Variants in NR4A1 observed in about 807,000 individuals in gnomAD.
NR4A1 encodes the protein nuclear receptor subfamily 4 group A member 1, also known as nuclear receptor subfamily 4immunitygroup A member 1.
A neutral mutation model predicts 47.5 loss-of-function variants in NR4A1; 24 were observed. That is an observed-to-expected ratio of 0.50 (90% CI 0.37 to 0.71). NR4A1 has a LOEUF of 0.71. Ranked by LOEUF, NR4A1 falls within the 30% of genes least tolerant of loss-of-function variation. The pLI, the probability that NR4A1 is intolerant of heterozygous loss-of-function variation, is 0.00. For synonymous variants in NR4A1, 353 were observed against 345.7 expected, an observed-to-expected ratio of 1.02 and a Z score of -0.24; for missense variants, 669 against 788.6, an observed-to-expected ratio of 0.85 and a Z score of 1.82.
intron 2 of NR4A1, chr12:52,045,371 A>G (rs922571721): frequency 1.3e-5 from 4 of 314,160 alleles, no homozygotes; most frequent in Non-Finnish European, 2.6e-5. Flanking sequence ...TTGAGTATGC[A>G]TGGATTTTGG....
upstream of NR4A1, chr12:52,051,299 C>T (rs898785113): frequency 2.3e-4 from 137 of 587,374 alleles, no homozygotes; most frequent in Middle Eastern, 2.5e-3. Flanking sequence ...GCCGCACCTC[C>T]CCCTGGCCGC....
At chr12:52,024,542 T>A (rs573277148) in intron 1 of NR4A1, among the ~76,000 whole-genome samples, 1 of 152,116 alleles carries the variant, frequency 6.6e-6, no homozygotes, top group South Asian at 2.1e-4. Flanking sequence ...AAAAAATTTT[T>A]AAAAATGATC....
At chr12:52,051,134 C>G (rs1938906633), upstream of NR4A1, among the ~76,000 whole-genome samples, 1 of 152,210 alleles carries the variant, frequency 6.6e-6, no homozygotes, top group South Asian at 2.1e-4. Flanking sequence ...CCTAGTGGGC[C>G]TGGGAGCTGC....
At chr12:52,043,486 C>CATGAGTGCTAGAGCTGCTGG in intron 2 of NR4A1, 2 of 268,288 alleles carry the variant, frequency 7.5e-6, no homozygotes, top group Non-Finnish European at 1.4e-5. Context: ...ACCGGGGCCC[C>CATGAGTGCTAGAGCTGCTGG]ATGAGTGCTA....
At position 52,058,931 on chromosome 12, in the gene NR4A1, C is replaced by G; in HGVS notation, c.1784C>G (p.Thr595Arg). The G allele has an allele frequency of 6.2e-7, 1 of 1,611,850 alleles. No homozygotes were observed. ...PPIIDKIFMD[T>R]LPF ...ATCATTGACAAGATCTTCATGGACA[C>G]GCTGCCCTTCTGACCCCTGCCTGGG... Residue 595 changes from threonine to arginine, a missense_variant, in exon 7 of 7, where the codon ACG (threonine) becomes AGG (arginine). Coordinates refer to ENST00000394825, the MANE Select transcript of NR4A1 (RefSeq NM_173157.3).
At chr12:52,033,783 C>T (rs79243028) in intron 1 of NR4A1, among the ~76,000 whole-genome samples, 2,089 of 152,246 alleles carry the variant, frequency 0.014, 53 homozygotes, top group African/African-American at 0.048. Flanking sequence ...GTCGGGGGAC[C>T]CCGGCCAGGT....
At chr12:52,051,389 C>A (rs1938929349), upstream of NR4A1, 1 of 985,332 alleles carries the variant, frequency 1.0e-6, no homozygotes, top group South Asian at 4.7e-5. Flanking sequence ...GGCGCCCCCG[C>A]CCCTCCCCGT....
chr12:52,055,242 TGG>T (rs1939198192), intron 2 of NR4A1, 38 bp downstream of exon 2: 1 of 1,604,454 alleles, frequency 6.2e-7, no homozygotes, highest in African/African-American at 1.3e-5. Flanking sequence ...TTGTTGGAAA[TGG>T]AGAGAGGCTG....
Position 52,059,308 on chromosome 12 carries a change from C to T in NR4A1, c.*364C>T. 4.9e-6 allele frequency: 1 copy of T among 203,534 alleles called. No homozygotes were observed. Among genetic ancestry groups the T allele is most frequent in the Non-Finnish European group, 9.8e-6 (1 of 102,432 alleles). 12.6% of individuals were successfully genotyped at this position (203,534 alleles called of 1,614,324 possible). ...GGAGGAAGGGATGGGCCCCGCCTTCCTGGGCAGCCTTTCCAGCCTCCTGCT... is the reference window on the plus strand; with the variant it reads ...GGAGGAAGGGATGGGCCCCGCCTTCTTGGGCAGCCTTTCCAGCCTCCTGCT... On this transcript the variant is annotated 3_prime_UTR_variant, in exon 7 of 7. Transcript: ENST00000394825.
chr12:52,050,525 C>G (rs1938868980), upstream of NR4A1, among the ~76,000 whole-genome samples: 1 of 152,242 alleles, frequency 6.6e-6, no homozygotes, highest in Non-Finnish European at 1.5e-5. Flanking sequence ...TCAGGCTCCA[C>G]CCGGTTCTGA....
At chr12:52,049,885 T>G (rs544853502), upstream of NR4A1, among the ~76,000 whole-genome samples, 1 of 151,290 alleles carries the variant, frequency 6.6e-6, no homozygotes, top group Admixed American at 6.6e-5. Flanking sequence ...GACAAGGGTG[T>G]GGGAAAACTG....
intron 1 of NR4A1, among the ~76,000 whole-genome samples, chr12:52,036,121 G>A (rs1049058537): frequency 6.6e-6 from 1 of 152,194 alleles, no homozygotes; most frequent in Non-Finnish European, 1.5e-5. Context: ...CAATCCCATT[G>A]CTCCAACTTT....
chr12:52,054,023 C>A (rs534105139), intron 1 of NR4A1: 341 of 382,620 alleles, frequency 8.9e-4, no homozygotes, highest in Non-Finnish European at 1.3e-3. Context: ...TCCCCCTGTT[C>A]TAGCAGAGAA....
At chr12:52,037,569 G>GC (rs1160315996) in intron 1 of NR4A1, 1 of 983,604 alleles carries the variant, frequency 1.0e-6, no homozygotes, top group Non-Finnish European at 1.2e-6. Flanking sequence ...GGGGAGTCGG[G>GC]GGGGGGACTG....
chr12:52,043,909 C>G, intron 2 of NR4A1: 6 of 1,289,220 alleles, frequency 4.7e-6, no homozygotes, highest in Non-Finnish European at 6.1e-6. Context: ...GAGGAGGAAG[C>G]TGGTGAGTCT....
At chr12:52,042,594 G>A (rs1938481256) in intron 2 of NR4A1, among the ~76,000 whole-genome samples, 1 of 152,172 alleles carries the variant, frequency 6.6e-6, no homozygotes, top group African/African-American at 2.4e-5. Context: ...CAGTGAGGAT[G>A]TGTAGAGCCA....
chr12:52,042,967 C>T (rs535501420), intron 2 of NR4A1, among the ~76,000 whole-genome samples: 1 of 152,322 alleles, frequency 6.6e-6, no homozygotes, highest in South Asian at 2.1e-4. Flanking sequence ...CTCAGCTTCC[C>T]AAACACTGTT....
chr12:52,038,878 A>G (rs1162314000), intron 1 of NR4A1: 2 of 646,386 alleles, frequency 3.1e-6, no homozygotes, highest in African/African-American at 1.8e-5. Context: ...TCAAAGGCCC[A>G]GGGACCCAGG....
At chr12:52,052,119 G>A (rs118082725) in intron 1 of NR4A1, among the ~76,000 whole-genome samples, 3,648 of 152,214 alleles carry the variant, frequency 0.024, 59 homozygotes, top group South Asian at 0.054. Context: ...GGTGCGTTAG[G>A]AAGCCTCCGG....
Sources: gnomAD v4.1 joint callset for allele counts (sites outside exome capture counted in the v4.1 genomes callset) on GRCh38, gnomAD v4.1.1 for gene constraint, MANE v1.5 for transcripts, NCBI Gene and HGNC (gene_info 2026-07-23, HGNC 2026-07-21) for gene names.